Variants in CASQ2 observed in about 807,000 individuals in gnomAD.
CASQ2 encodes calsequestrin 2, also known as calsequestrin-2.
Under a neutral mutation model 46.5 loss-of-function variants are expected in CASQ2, and 49 were observed. The observed-to-expected ratio is 1.05, with a 90% CI of 0.84 to 1.34. The LOEUF is 1.34. Ranked by LOEUF, CASQ2 falls within the 40% of genes most tolerant of loss-of-function variation. CASQ2 has a pLI of 0.00. For synonymous variants in CASQ2, 174 were observed against 168.5 expected, an observed-to-expected ratio of 1.03 and a Z score of -0.25; for missense variants, 486 against 481.3, an observed-to-expected ratio of 1.01 and a Z score of -0.09.
intron 1 of CASQ2, among the ~76,000 whole-genome samples, chr1:115,751,920 T>TA (rs765635093): frequency 4.6e-5 from 7 of 152,218 alleles, no homozygotes; most frequent in Non-Finnish European, 1.0e-4. Flanking sequence ...TCTTACTTAA[T>TA]ACAATTGTCT....
At chr1:115,764,527 A>G (rs1462336342) in intron 1 of CASQ2, among the ~76,000 whole-genome samples, 4 of 152,170 alleles carry the variant, frequency 2.6e-5, no homozygotes, top group East Asian at 1.9e-4. Context: ...TGCTTTGTTG[A>G]TGAAGAATAC....
chr1:115,723,140 G>T (rs1249529955), intron 7 of CASQ2, among the ~76,000 whole-genome samples: 1 of 152,170 alleles, frequency 6.6e-6, no homozygotes, highest in African/African-American at 2.4e-5. Flanking sequence ...AGGAAAAAGA[G>T]ACGTTTTTCT....
chr1:115,767,372 T>A (rs1271694758), intron 1 of CASQ2, among the ~76,000 whole-genome samples: 6 of 152,194 alleles, frequency 3.9e-5, no homozygotes, highest in Admixed American at 3.9e-4. Context: ...TTTGAAAAAA[T>A]TCAAATCCAC....
In CASQ2 at chr1:115,712,905, C is replaced by T. The variant is rs970074234; in HGVS notation, c.838+4935G>A. 2.7e-5 allele frequency among the ~76,000 whole-genome samples: 4 copies of T among 150,356 alleles called. No homozygotes were observed. The South Asian group carries it at 6.3e-4, about 24-fold the overall frequency. Reference sequence around the variant, plus strand: ...AGAACCAAATGTTAAATTTGGTAAACCAAACTTAAAATCAAAAGCTCAAGG... The same window carrying T: ...AGAACCAAATGTTAAATTTGGTAAATCAAACTTAAAATCAAAAGCTCAAGG... On this transcript the variant is annotated intron_variant, in intron 8 of 10. Coordinates refer to ENST00000261448, the MANE Select transcript of CASQ2 (RefSeq NM_001232.4).
intron 1 of CASQ2, among the ~76,000 whole-genome samples, chr1:115,761,455 A>C (rs1235065199): frequency 7.5e-5 from 1 of 13,398 alleles, no homozygotes; most frequent in Non-Finnish European, 1.6e-4. Context: ...GAAGAAGAAG[A>C]AGAAGAAGGA....
rs749266321 is a variant in CASQ2 at position 115,705,204 on chromosome 1, G to A, written c.927C>T (p.Asp309=). 3.4e-5 allele frequency: 54 copies of A among 1,611,500 alleles called. No individual in the cohort carries two copies. The highest frequency in any genetic ancestry group is 6.7e-5 in the East Asian group (3 of 44,888). Residue 309 remains aspartate (D), a synonymous_variant, in exon 9 of 11, where the codon GAC becomes GAT. Coordinates refer to ENST00000261448, the MANE Select transcript of CASQ2 (RefSeq NM_001232.4). ...PDLSILWIDP[D]DFPLLVAYWE... ...TGGAGCCACTCACCAGAGGAAAGTC[G>A]TCCGGGTCGATCCACAGGATGCTCA...
At chr1:115,766,805 A>G (rs1216201663) in intron 1 of CASQ2, among the ~76,000 whole-genome samples, 1 of 151,976 alleles carries the variant, frequency 6.6e-6, no homozygotes, top group East Asian at 1.9e-4. Flanking sequence ...GCCCAGGGGA[A>G]GTTTCTGTTC....
intron 2 of CASQ2, among the ~76,000 whole-genome samples, chr1:115,742,687 A>G (rs1435705373): frequency 6.6e-6 from 1 of 152,206 alleles, no homozygotes; most frequent in African/African-American, 2.4e-5. Flanking sequence ...AAATTCTCCC[A>G]AATGCAACTT....
chr1:115,726,872 T>G, intron 6 of CASQ2, 120 bp downstream of exon 6: 1 of 756,412 alleles, frequency 1.3e-6, no homozygotes, highest in Non-Finnish European at 2.3e-6. Context: ...TACTGAGTTC[T>G]GTACTGCTGG....
intron 1 of CASQ2, among the ~76,000 whole-genome samples, chr1:115,764,962 A>C (rs1649084308): frequency 6.6e-6 from 1 of 152,188 alleles, no homozygotes; most frequent in African/African-American, 2.4e-5. Flanking sequence ...TCTTACCCTA[A>C]AGAAATGAGG....
At chr1:115,759,297 T>C (rs1422469905) in intron 1 of CASQ2, among the ~76,000 whole-genome samples, 1 of 152,192 alleles carries the variant, frequency 6.6e-6, no homozygotes, top group African/African-American at 2.4e-5. Context: ...GTGGGCCCCT[T>C]ATAAACAGAT....
intron 8 of CASQ2, among the ~76,000 whole-genome samples, chr1:115,712,737 T>C (rs1373749914): frequency 1.3e-5 from 2 of 151,406 alleles, no homozygotes; most frequent in Non-Finnish European, 2.9e-5. Flanking sequence ...ATGCCTCTAA[T>C]CCCAGCTACT....
At chr1:115,753,903 A>AT in intron 1 of CASQ2, among the ~76,000 whole-genome samples, 1 of 151,926 alleles carries the variant, frequency 6.6e-6, no homozygotes, top group East Asian at 1.9e-4. Flanking sequence ...AAAAAAAAAA[A>AT]GTTGAGCCTC....
At chr1:115,765,878 T>C (rs1267049607) in intron 1 of CASQ2, among the ~76,000 whole-genome samples, 3 of 152,198 alleles carry the variant, frequency 2.0e-5, no homozygotes, top group Admixed American at 1.3e-4. Context: ...TGACAGACTA[T>C]TTTTCTTAGT....
At chr1:115,738,431 T>C (rs2101092259) in intron 3 of CASQ2, 96 bp from the exon 4 acceptor site, 2 of 835,238 alleles carry the variant, frequency 2.4e-6, no homozygotes, top group East Asian at 4.8e-5. Flanking sequence ...GTAGCGGACT[T>C]TGTGGTTGGT....
At chr1:115,718,014 G>C in intron 7 of CASQ2, 120 bp from the exon 8 acceptor site, 1 of 764,914 alleles carries the variant, frequency 1.3e-6, no homozygotes, top group South Asian at 1.4e-5. Flanking sequence ...GTGTGGAAGC[G>C]GGGATGAACA....
rs926002665 is a variant in CASQ2, at chr1:115,700,667, A to G, written c.*574T>C. 9 of 232,194 alleles carry G rather than the reference A, an allele frequency of 3.9e-5. No individual in the cohort carries two copies. Among genetic ancestry groups the G allele is most frequent in the Admixed American group, 9.9e-5 (2 of 20,200 alleles). 14.4% of individuals were successfully genotyped at this position (232,194 alleles called of 1,614,324 possible). On this transcript the variant is annotated 3_prime_UTR_variant, in exon 11 of 11. Coordinates refer to ENST00000261448, the MANE Select transcript of CASQ2 (RefSeq NM_001232.4). Reference sequence around the variant, plus strand: ...CAAGTTCATAGTGATATGAATGACCATCACTTGAAATAAGTTTAACAAAGC... The same window carrying G: ...CAAGTTCATAGTGATATGAATGACCGTCACTTGAAATAAGTTTAACAAAGC...
chr1:115,751,712 C>CA (rs1267063471), intron 1 of CASQ2, among the ~76,000 whole-genome samples: 1 of 151,488 alleles, frequency 6.6e-6, no homozygotes, highest in Non-Finnish European at 1.5e-5. Context: ...AGGAGTAGGA[C>CA]AAAAAAATAA....
intron 5 of CASQ2, among the ~76,000 whole-genome samples, chr1:115,728,451 C>T (rs1647670106): frequency 6.6e-6 from 1 of 151,958 alleles, no homozygotes; most frequent in South Asian, 2.1e-4. Context: ...AACTGTTTTT[C>T]CCTCTTCTCA....
Sources: gnomAD v4.1 joint callset for allele counts (sites outside exome capture counted in the v4.1 genomes callset) on GRCh38, gnomAD v4.1.1 for gene constraint, MANE v1.5 for transcripts, NCBI Gene and HGNC (gene_info 2026-07-23, HGNC 2026-07-21) for gene names.